The following MTCH2 variants were observed in gnomAD, a reference collection of about 807,000 sequenced individuals.
The protein encoded by MTCH2 is mitochondrial carrier homolog 2.
MTCH2 carries 25 observed loss-of-function variants against 50.6 expected under a neutral mutation model. That is an observed-to-expected ratio of 0.49 (90% CI 0.36 to 0.69). MTCH2 has a LOEUF of 0.69. MTCH2 is among the 30% of genes least tolerant of loss of function. MTCH2 has a pLI of 0.00. For missense variants in MTCH2, 273 were observed against 384.4 expected (o/e 0.71, Z 2.42); for synonymous variants, 106 against 132.0 (o/e 0.80, Z 1.35).
At position 47,618,667 on chromosome 11, in the gene MTCH2, G is replaced by C; in HGVS notation, c.*166C>G. ...AGGGGGAGTATCAGTGGTAAGTTAT[G>C]TTGTGCTGGAAAAAAGAACAAAAAA... On this transcript the variant is annotated 3_prime_UTR_variant, in exon 13 of 13. Coordinates refer to ENST00000302503, the MANE Select transcript of MTCH2 (RefSeq NM_014342.4). The C allele has an allele frequency of 1.8e-6, 1 of 542,568 alleles. No homozygotes were observed. The highest frequency in any genetic ancestry group is 2.9e-5 in the East Asian group (1 of 34,668). 33.6% of individuals were successfully genotyped at this position (542,568 alleles called of 1,614,324 possible).
At chr11:47,636,559 C>T (rs2097308772) in intron 3 of MTCH2, among the ~76,000 whole-genome samples, 1 of 151,408 alleles carries the variant, frequency 6.6e-6, no homozygotes. Flanking sequence ...TGGCGAAACC[C>T]CCTCTCTACT....
At chr11:47,641,062 A>G (rs2097313729) in intron 1 of MTCH2, among the ~76,000 whole-genome samples, 2 of 152,012 alleles carry the variant, frequency 1.3e-5, no homozygotes, top group South Asian at 4.1e-4. Context: ...ACACCTGGCT[A>G]TATTTTGTAT....
intron 1 of MTCH2, among the ~76,000 whole-genome samples, chr11:47,641,565 G>C (rs2097314224): frequency 6.6e-6 from 1 of 152,156 alleles, no homozygotes; most frequent in Admixed American, 6.6e-5. Context: ...CCATTACAGG[G>C]ATATAGCAAA....
intron 3 of MTCH2, among the ~76,000 whole-genome samples, chr11:47,638,037 A>C (rs541520859): frequency 6.6e-6 from 1 of 152,280 alleles, no homozygotes; most frequent in East Asian, 1.9e-4. Flanking sequence ...TGACTGTACA[A>C]GCAGCTTTGG....
chr11:47,629,064 A>G lies in MTCH2; in HGVS notation c.540-18T>C. ...CAAGACCCCTACATGAAGAAACAAT[A>G]AAAATAAGAACCAAAAAATGTGATC... On this transcript the variant is annotated intron_variant, in intron 8 of 12. Transcript: ENST00000302503. 6.3e-7 allele frequency: 1 copy of G among 1,598,060 alleles called. No homozygotes were observed. The highest frequency in any genetic ancestry group is 8.6e-7 in the Non-Finnish European group (1 of 1,168,698).
chr11:47,640,036 A>T (rs1466741237), intron 1 of MTCH2, among the ~76,000 whole-genome samples: 1 of 152,048 alleles, frequency 6.6e-6, no homozygotes, highest in Non-Finnish European at 1.5e-5. Context: ...CTGTCCTATT[A>T]AGTAACTCCT....
Position 47,618,131 on chromosome 11 carries a change from T to C in MTCH2, c.*702A>G, listed in dbSNP as rs1371593064. 1 of 152,232 alleles carries C rather than the reference T, an allele frequency of 6.6e-6. No homozygotes were observed. Among genetic ancestry groups the C allele is most frequent in the African/African-American group, 2.4e-5 (1 of 41,472 alleles). 9.4% of individuals were successfully genotyped at this position (152,232 alleles called of 1,614,324 possible). A position where few individuals can be genotyped will look rare whatever the true frequency, so the allele number is the denominator to read the frequency against. ...TCCAAATCTTGCTTATTTTCTGTAATTGTCTTTTTCTTTGTTGTTGCTGAC... is the reference window on the plus strand; with the variant it reads ...TCCAAATCTTGCTTATTTTCTGTAACTGTCTTTTTCTTTGTTGTTGCTGAC... On this transcript the variant is annotated 3_prime_UTR_variant, in exon 13 of 13. Coordinates refer to ENST00000302503, the MANE Select transcript of MTCH2 (RefSeq NM_014342.4).
At chr11:47,638,563 A>G (rs2097310974) in intron 3 of MTCH2, 136 bp downstream of exon 3, 1 of 670,380 alleles carries the variant, frequency 1.5e-6, no homozygotes, top group Admixed American at 3.3e-5. Context: ...AAAAAAAAAA[A>G]AAAGAAAGTG....
chr11:47,610,497 G>C, the MTCH2 span, among the ~76,000 whole-genome samples: 2 of 152,062 alleles, frequency 1.3e-5, no homozygotes, highest in Non-Finnish European at 2.9e-5. Context: ...CTGAGGTCAG[G>C]AGTTTGAGAC....
At position 47,640,956 on chromosome 11, in the gene MTCH2, G is replaced by A. The variant is rs574155508; in HGVS notation, c.87+1423C>T. 2.0e-5 allele frequency among the ~76,000 whole-genome samples: 3 copies of A among 152,110 alleles called. No individual in the cohort carries two copies. In the South Asian group the frequency reaches 6.2e-4, roughly 32 times the overall value. ...CTGTTGCCCAGGCTGGAGTACAATG[G>A]CGCGATCTCGGCTCACTGCAACCTT... On this transcript the variant is annotated intron_variant, in intron 1 of 12. Coordinates refer to ENST00000302503, the MANE Select transcript of MTCH2 (RefSeq NM_014342.4).
the MTCH2 span, among the ~76,000 whole-genome samples, chr11:47,611,170 C>A: frequency 6.6e-6 from 1 of 152,238 alleles, no homozygotes; most frequent in Non-Finnish European, 1.5e-5. Context: ...TAGGCCTTTG[C>A]ATCCTCTGCT....
At chr11:47,628,387 A>AG (rs887047632) in intron 9 of MTCH2, among the ~76,000 whole-genome samples, 13 of 152,334 alleles carry the variant, frequency 8.5e-5, no homozygotes, top group African/African-American at 3.1e-4. Context: ...GAAGTAACAC[A>AG]GGGCTAAGTC....
chr11:47,636,811 G>T (rs1236173861), intron 3 of MTCH2, among the ~76,000 whole-genome samples: 1 of 152,104 alleles, frequency 6.6e-6, no homozygotes, highest in African/African-American at 2.4e-5. Context: ...CAACACTTTG[G>T]AAGGCCGAAG....
At chr11:47,627,274 GCACACA>G in intron 9 of MTCH2, 147 bp from the exon 10 acceptor site, 1 of 538,768 alleles carries the variant, frequency 1.9e-6, no homozygotes. Flanking sequence ...ACCTCCTGAA[GCACACA>G]TCACCACGCC....
downstream of MTCH2, among the ~76,000 whole-genome samples, chr11:47,615,634 GC>G (rs2097287945): frequency 6.7e-6 from 1 of 148,228 alleles, no homozygotes; most frequent in Non-Finnish European, 1.5e-5. Flanking sequence ...TCCTAAGGTT[GC>G]TTTTTTTTTT....
At chr11:47,633,307 T>G (rs1218498300) in intron 5 of MTCH2, among the ~76,000 whole-genome samples, 2 of 148,482 alleles carry the variant, frequency 1.3e-5, no homozygotes, top group African/African-American at 5.0e-5. Flanking sequence ...AGACGGGGTT[T>G]CACCGTGTTA....
At chr11:47,632,544 T>C (rs1223367242) in intron 5 of MTCH2, among the ~76,000 whole-genome samples, 2 of 151,812 alleles carry the variant, frequency 1.3e-5, no homozygotes, top group Non-Finnish European at 2.9e-5. Flanking sequence ...TATTTTTTAG[T>C]AGAGACGGTT....
chr11:47,620,289 T>TA (rs887867726), intron 12 of MTCH2, among the ~76,000 whole-genome samples: 16 of 150,736 alleles, frequency 1.1e-4, no homozygotes, highest in Admixed American at 3.3e-4. Context: ...ATAATAAAAT[T>TA]AAAAAAAACA....
intron 11 of MTCH2, among the ~76,000 whole-genome samples, chr11:47,623,353 C>T (rs1056831944): frequency 1.9e-4 from 21 of 113,220 alleles, no homozygotes; most frequent in African/African-American, 7.0e-4. Flanking sequence ...GCCTGGGTGA[C>T]AGAGTAAGAA....
Sources: allele counts gnomAD v4.1 joint callset (sites outside exome capture counted in the v4.1 genomes callset), GRCh38; gene constraint gnomAD v4.1.1; transcripts MANE v1.5; gene names NCBI Gene and HGNC (gene_info 2026-07-23, HGNC 2026-07-21).